AR: variants seen among roughly 807,000 people sequenced by gnomAD.
AR encodes the protein androgen receptor, also known as dihydrotestosterone receptor.
A neutral mutation model predicts 53.9 loss-of-function variants in AR; 8 were observed. The ratio of observed to expected loss-of-function variants is 0.15; its 90% CI spans 0.09 to 0.27. The LOEUF is 0.27. Ranked by LOEUF, AR falls within the 10% of genes least tolerant of loss-of-function variation. AR has a pLI of 1.00. For synonymous variants in AR, 359 were observed against 316.4 expected, an observed-to-expected ratio of 1.13 and a Z score of -1.43; for missense variants, 639 against 742.5, an observed-to-expected ratio of 0.86 and a Z score of 1.62.
At chrX:67,658,917 A>C (rs12835888) in intron 2 of AR, among the ~76,000 whole-genome samples, 1 of 111,938 alleles carries the variant, frequency 8.9e-6, no homozygotes, top group East Asian at 2.8e-4. Context: ...CCAAACCTTT[A>C]CGAATAGTAG....
At chrX:67,640,087 G>T (rs1034450076) in intron 1 of AR, among the ~76,000 whole-genome samples, 1 of 111,785 alleles carries the variant, frequency 8.9e-6, no homozygotes, top group Non-Finnish European at 1.9e-5. Context: ...ATATGGTTTT[G>T]TCATTGGTTC....
chrX:67,685,963 T>G, intron 2 of AR, 47 bp from the exon 3 acceptor site: 1 of 1,208,029 alleles, frequency 8.3e-7, no homozygotes, highest in Non-Finnish European at 1.1e-6. Flanking sequence ...AAAGAGACTC[T>G]GGAAACTCAT....
At chrX:67,632,132 G>A (rs1232288545) in intron 1 of AR, among the ~76,000 whole-genome samples, 24 of 112,941 alleles carry the variant, frequency 2.1e-4, no homozygotes, top group Admixed American at 1.0e-3. Context: ...GCCTATAGAG[G>A]CAGGCAGGCC....
chrX:67,705,425 A>G (rs112933954), intron 3 of AR, among the ~76,000 whole-genome samples: 1,686 of 111,249 alleles, frequency 0.015, 31 homozygotes, highest in African/African-American at 0.053. Flanking sequence ...ATGGGAGTTC[A>G]CTCATGATTT....
chrX:67,626,972 A>C (rs1924697514), intron 1 of AR, among the ~76,000 whole-genome samples: 1 of 104,692 alleles, frequency 9.6e-6, no homozygotes, highest in Non-Finnish European at 2.0e-5. Flanking sequence ...ATCCTTTTTT[A>C]TGGCTGCATA....
chrX:67,718,692 G>A (rs756666253), intron 5 of AR, among the ~76,000 whole-genome samples: 26 of 110,656 alleles, frequency 2.3e-4, no homozygotes, highest in African/African-American at 7.6e-4. Flanking sequence ...GGGCAGTGGC[G>A]CAATGATCTC....
chrX:67,661,597 T>C (rs1926921512), intron 2 of AR, among the ~76,000 whole-genome samples: 1 of 109,966 alleles, frequency 9.1e-6, no homozygotes, highest in Admixed American at 9.6e-5. Context: ...TTTTTGCTGG[T>C]ATTTTATTGA....
intron 1 of AR, among the ~76,000 whole-genome samples, chrX:67,591,822 C>A (rs975453084): frequency 8.9e-6 from 1 of 111,944 alleles, no homozygotes; most frequent in African/African-American, 3.2e-5. Flanking sequence ...CTCCTTTGTT[C>A]TCACTGCTGA....
At chrX:67,609,727 A>T (rs913183542) in intron 1 of AR, among the ~76,000 whole-genome samples, 1 of 111,183 alleles carries the variant, frequency 9.0e-6, no homozygotes, top group Non-Finnish European at 1.9e-5. Flanking sequence ...ATGTATATCA[A>T]TTTTTCCACA....
chrX:67,681,910 C>A, intron 2 of AR, among the ~76,000 whole-genome samples: 1 of 112,055 alleles, frequency 8.9e-6, no homozygotes, highest in East Asian at 2.8e-4. Flanking sequence ...AGTATTGTTT[C>A]TAGAATGCAA....
intron 3 of AR, among the ~76,000 whole-genome samples, chrX:67,693,840 T>C (rs1240721837): frequency 8.9e-6 from 1 of 112,238 alleles, no homozygotes; most frequent in Non-Finnish European, 1.9e-5. Flanking sequence ...AACCAAGGCA[T>C]AGAAATATAT....
Position 67,726,895 on chromosome X carries a change from A to T in AR, c.*3054A>T, listed in dbSNP as rs2076159806. On this transcript the variant is annotated 3_prime_UTR_variant, in exon 8 of 8. Transcript: ENST00000374690. ...CAGACCCACTTAGCTGGTGAGCTAG[A>T]AGATGAGGATCACTCACTGGAAAAG... 1 of 174,011 alleles carries T rather than the reference A, an allele frequency of 5.7e-6. No homozygotes were observed. Among genetic ancestry groups the T allele is most frequent in the Admixed American group, 7.8e-5 (1 of 12,749 alleles). The allele number at this position is 174,011 out of a possible 1,213,427, so 14.3% of individuals were successfully genotyped here.
chrX:67,568,827 C>T, intron 1 of AR: 1 of 1,121,168 alleles, frequency 8.9e-7, no homozygotes, highest in South Asian at 2.2e-5. Flanking sequence ...AAGTTGCTCT[C>T]TTCTCCAGTA....
At chrX:67,597,052 C>G (rs149782312) in intron 1 of AR, among the ~76,000 whole-genome samples, 1 of 112,190 alleles carries the variant, frequency 8.9e-6, no homozygotes, top group East Asian at 2.8e-4. Flanking sequence ...AGTGTGGAAA[C>G]TTGTTCAGAA....
At chrX:67,616,866 C>A (rs907115889) in intron 1 of AR, among the ~76,000 whole-genome samples, 1 of 111,138 alleles carries the variant, frequency 9.0e-6, no homozygotes. Flanking sequence ...CACGCTGGTC[C>A]TGTTTTGAAG....
Position 67,727,448 on chromosome X carries a change from C to T in AR, c.*3607C>T, listed in dbSNP as rs2147545300. On this transcript the variant is annotated 3_prime_UTR_variant, in exon 8 of 8. Transcript: ENST00000374690. Reference sequence around the variant, plus strand: ...CTACTTCTAAATACATATAGGCATACATAGCAAGTTTTATTTGACTTGTAC... The same window carrying T: ...CTACTTCTAAATACATATAGGCATATATAGCAAGTTTTATTTGACTTGTAC... 1 of 170,347 alleles carries T rather than the reference C, an allele frequency of 5.9e-6. No individual in the cohort carries two copies. Among genetic ancestry groups the T allele is most frequent in the African/African-American group, 3.0e-5 (1 of 33,824 alleles). 14.0% of individuals were successfully genotyped at this position (170,347 alleles called of 1,213,427 possible). A position where few individuals can be genotyped will look rare whatever the true frequency, so the allele number is the denominator to read the frequency against.
chrX:67,627,703 TC>T (rs775265137), intron 1 of AR, among the ~76,000 whole-genome samples: 1 of 112,028 alleles, frequency 8.9e-6, no homozygotes, highest in South Asian at 3.7e-4. Context: ...AGACATGAAG[TC>T]CTTGCCCATG....
At chrX:67,720,260 CCTTT>C (rs969203426) in intron 5 of AR, among the ~76,000 whole-genome samples, 1 of 110,649 alleles carries the variant, frequency 9.0e-6, no homozygotes, top group Non-Finnish European at 1.9e-5. Flanking sequence ...TCTCTTCCTT[CCTTT>C]AACTGTCTCC....
chrX:67,603,412 A>G (rs1168267791), intron 1 of AR, among the ~76,000 whole-genome samples: 1 of 111,701 alleles, frequency 9.0e-6, no homozygotes, highest in Non-Finnish European at 1.9e-5. Flanking sequence ...GAGATTGACA[A>G]AATTTGGTAA....
Sources: gnomAD v4.1 joint callset for allele counts (sites outside exome capture counted in the v4.1 genomes callset) on GRCh38, gnomAD v4.1.1 for gene constraint, MANE v1.5 for transcripts, NCBI Gene and HGNC (gene_info 2026-07-23, HGNC 2026-07-21) for gene names.